TUFT1: variants seen among roughly 807,000 people sequenced by gnomAD.
TUFT1 encodes tuftelin 1.
In TUFT1, 43 loss-of-function variants were observed where a neutral mutation model predicts 57.8. The observed-to-expected ratio is 0.74, with a 90% CI of 0.58 to 0.96. The LOEUF (loss-of-function observed/expected upper bound fraction) is 0.96, where lower values mean the gene tolerates loss of function less well. Ranked by LOEUF, TUFT1 falls within the 40% of genes least tolerant of loss-of-function variation. The pLI, the probability that TUFT1 is intolerant of heterozygous loss-of-function variation, is 0.00. For missense variants in TUFT1, 459 were observed against 489.0 expected, an observed-to-expected ratio of 0.94 and a Z score of 0.58; for synonymous variants, 166 against 176.7, an observed-to-expected ratio of 0.94 and a Z score of 0.48.
At chr1:151,567,929 G>A (rs914598234) in intron 6 of TUFT1, among the ~76,000 whole-genome samples, 2 of 152,106 alleles carry the variant, frequency 1.3e-5, no homozygotes, top group Non-Finnish European at 2.9e-5. Context: ...AGAAAATTTG[G>A]AAAATTCAGA....
chr1:151,544,145 C>T (rs775265049), intron 1 of TUFT1, among the ~76,000 whole-genome samples: 3 of 151,780 alleles, frequency 2.0e-5, no homozygotes, highest in Non-Finnish European at 4.4e-5. Flanking sequence ...ACATGTTTAG[C>T]TAATTTTTCA....
At position 151,572,122 on chromosome 1, in the gene TUFT1, G is replaced by A. The variant is rs557454404; in HGVS notation, c.595-2148G>A. On this transcript the variant is annotated intron_variant, in intron 7 of 12. Coordinates refer to ENST00000368849, the MANE Select transcript of TUFT1 (RefSeq NM_020127.3). ...AGGCTGAGGTGGGAGAATTTTTGGAGCCCAGGAGGTGGAGGCTGCAGTGAG... is the reference window on the plus strand; with the variant it reads ...AGGCTGAGGTGGGAGAATTTTTGGAACCCAGGAGGTGGAGGCTGCAGTGAG... Among the ~76,000 whole-genome samples the A allele has an allele frequency of 8.7e-4, 133 of 152,312 alleles. 1 individual carries two copies. Among genetic ancestry groups the A allele is most frequent in the Non-Finnish European group, 1.6e-3 (108 of 68,026 alleles).
chr1:151,557,155 C>G (rs553777450), intron 1 of TUFT1, among the ~76,000 whole-genome samples: 1 of 151,858 alleles, frequency 6.6e-6, no homozygotes, highest in Non-Finnish European at 1.5e-5. Flanking sequence ...TTAGTGGTTA[C>G]TCTAGGTATT....
At chr1:151,551,069 C>A (rs571366255) in intron 1 of TUFT1, among the ~76,000 whole-genome samples, 91 of 152,258 alleles carry the variant, frequency 6.0e-4, no homozygotes, top group Admixed American at 1.8e-3. Context: ...GTAATGAAAT[C>A]CCCCCAAAAT....
At chr1:151,540,778 C>T in intron 1 of TUFT1, 1 of 256,402 alleles carries the variant, frequency 3.9e-6, no homozygotes, top group South Asian at 5.3e-5. Flanking sequence ...GACTGGGTCC[C>T]TGAGCGCCTT....
chr1:151,556,311 T>A (rs1665695535), intron 1 of TUFT1, among the ~76,000 whole-genome samples: 1 of 151,974 alleles, frequency 6.6e-6, no homozygotes, highest in Non-Finnish European at 1.5e-5. Context: ...TTCCCTTTCC[T>A]TTCCCCTTTC....
Position 151,566,123 on chromosome 1 carries a change from T to A in TUFT1, c.415-40T>A, listed in dbSNP as rs1230189635. 3 of 1,495,570 alleles carry A rather than the reference T, an allele frequency of 2.0e-6. No individual in the cohort carries two copies. In the Admixed American group the frequency reaches 5.7e-5, roughly 28 times the overall value. 92.6% of individuals were successfully genotyped at this position (1,495,570 alleles called of 1,614,324 possible). ...AATAATGTTTCAAAGTTGGTTGCTT[T>A]CATCTGTTTTAACTACCAATTTTAT... On this transcript the variant is annotated intron_variant, in intron 5 of 12. Transcript: ENST00000368849.
chr1:151,558,781 CTTT>C (rs56003478), intron 1 of TUFT1, among the ~76,000 whole-genome samples: 3 of 142,054 alleles, frequency 2.1e-5, no homozygotes, highest in Admixed American at 1.4e-4. Context: ...AGATAGTGTC[CTTT>C]TTTTTTTTTT....
In TUFT1 at chr1:151,582,428, TTC is replaced by T; in HGVS notation, c.*722_*723del. The T allele has an allele frequency of 3.0e-6, 1 of 338,026 alleles. No homozygotes were observed. The highest frequency in any genetic ancestry group is 5.8e-6 in the Non-Finnish European group (1 of 171,694). The allele number at this position is 338,026 out of a possible 1,614,324, so 20.9% of individuals were successfully genotyped here. A position where few individuals can be genotyped will look rare whatever the true frequency, so the allele number is the denominator to read the frequency against. The stretch of plus-strand genomic sequence containing the variant: ...AACTCCCAGAGTCTCTTTAGGGATT[TTC>T]CCTAAGGTGTACCACCAGGCACACC... On this transcript the variant is annotated 3_prime_UTR_variant, in exon 13 of 13. Transcript: ENST00000368849.
chr1:151,559,137 C>T (rs1665803366), intron 1 of TUFT1, among the ~76,000 whole-genome samples: 1 of 152,208 alleles, frequency 6.6e-6, no homozygotes, highest in South Asian at 2.1e-4. Flanking sequence ...AAGAATTTGG[C>T]AGCCATTCTG....
intron 1 of TUFT1, among the ~76,000 whole-genome samples, chr1:151,548,305 CTT>C (rs11435666): frequency 3.8e-5 from 5 of 130,568 alleles, no homozygotes; most frequent in African/African-American, 5.7e-5. Flanking sequence ...TTTTTCTTTT[CTT>C]TTTTTTTTTT....
chr1:151,540,741 T>C (rs192422521), intron 1 of TUFT1: 60 of 396,742 alleles, frequency 1.5e-4, no homozygotes, highest in African/African-American at 1.0e-3. Flanking sequence ...GGCAGCCACA[T>C]TGGGTCATAA....
Position 151,580,505 on chromosome 1 carries a change from T to A in TUFT1, c.1009-437T>A, listed in dbSNP as rs997750773. Among the ~76,000 whole-genome samples, 120 of 151,274 alleles carry A rather than the reference T, an allele frequency of 7.9e-4. 1 individual carries two copies. Among genetic ancestry groups the A allele is most frequent in the African/African-American group, 1.8e-3 (76 of 41,236 alleles). On this transcript the variant is annotated intron_variant, in intron 11 of 12. Transcript: ENST00000368849. ...GACTTTGTCTCTGAAAAAGAAAAAA[T>A]TTTTTTAATTAACCAGATGTGGTGG...
Position 151,540,347 on chromosome 1 carries a change from T to G in TUFT1, c.-20T>G. The G allele has an allele frequency of 6.2e-7, 1 of 1,613,984 alleles. No homozygotes were observed. The highest frequency in any genetic ancestry group is 8.5e-7 in the Non-Finnish European group (1 of 1,179,930). ...CAGCGGGGTGGACAAGTGGCGTGTG[T>G]GCTGCGACCCCGAGGGAAGATGAAC... is the stretch of plus-strand genomic sequence containing the variant. On this transcript the variant is annotated 5_prime_UTR_variant, in exon 1 of 13. Transcript: ENST00000368849.
intron 9 of TUFT1, among the ~76,000 whole-genome samples, chr1:151,577,059 C>T (rs1226998279): frequency 2.0e-5 from 3 of 152,160 alleles, no homozygotes; most frequent in Non-Finnish European, 4.4e-5. Context: ...TATTCATGAG[C>T]CACTGCCCCT....
At chr1:151,577,866 T>A (rs981141044) in intron 9 of TUFT1, among the ~76,000 whole-genome samples, 24 of 151,554 alleles carry the variant, frequency 1.6e-4, no homozygotes, top group African/African-American at 5.6e-4. Context: ...ACAAAAAAAA[T>A]TTTTTTTTAG....
At chr1:151,557,738 A>G in intron 1 of TUFT1, 1 of 781,100 alleles carries the variant, frequency 1.3e-6, no homozygotes, top group Non-Finnish European at 2.3e-6. Context: ...GCAGCCGTCC[A>G]GAGACTGGAA....
At chr1:151,566,341 A>T in intron 6 of TUFT1, 113 bp downstream of exon 6, 1 of 816,614 alleles carries the variant, frequency 1.2e-6, no homozygotes, top group East Asian at 2.8e-5. Context: ...TAAATACAAG[A>T]GTAGTAGTTG....
At position 151,557,451 on chromosome 1, in the gene TUFT1, G is replaced by A. The variant is rs1044116884; in HGVS notation, c.61-4640G>A. On this transcript the variant is annotated intron_variant, in intron 1 of 12. Coordinates refer to ENST00000368849, the MANE Select transcript of TUFT1 (RefSeq NM_020127.3). The stretch of plus-strand genomic sequence containing the variant: ...CGGCCCCTACAGCCACCGAGATGTT[G>A]ATGCCTAAGAACCGGATTGCCATTT... The A allele has an allele frequency of 2.9e-6, 4 of 1,358,918 alleles. No homozygotes were observed. In the African/African-American group the frequency reaches 4.3e-5, roughly 15 times the overall value. 84.2% of individuals were successfully genotyped at this position (1,358,918 alleles called of 1,614,324 possible). A position where few individuals can be genotyped will look rare whatever the true frequency, so the allele number is the denominator to read the frequency against.
Sources: allele counts gnomAD v4.1 joint callset (sites outside exome capture counted in the v4.1 genomes callset), GRCh38; gene constraint gnomAD v4.1.1; transcripts MANE v1.5; gene names NCBI Gene and HGNC (gene_info 2026-07-23, HGNC 2026-07-21).